The following RORA variants were observed in gnomAD, a reference collection of about 807,000 sequenced individuals.
RORA encodes the protein RAR related orphan receptor A, also known as nuclear receptor ROR-alpha.
Under a neutral mutation model 69.5 loss-of-function variants are expected in RORA, and 7 were observed. The observed-to-expected ratio is 0.10, with a 90% CI of 0.06 to 0.19. RORA has a LOEUF of 0.19. Among genes scored for constraint, RORA ranks in the 10% least tolerant of loss-of-function variants. The probability of loss-of-function intolerance (pLI) is 1.00; values close to 1 mark genes in which losing one functional copy is unlikely to be tolerated. For synonymous variants in RORA, 261 were observed against 240.8 expected, an observed-to-expected ratio of 1.08 and a Z score of -0.78; for missense variants, 457 against 663.0, an observed-to-expected ratio of 0.69 and a Z score of 3.41.
chr15:60,752,965 C>A (rs1267232276), intron 1 of RORA, among the ~76,000 whole-genome samples: 1 of 152,158 alleles, frequency 6.6e-6, no homozygotes, highest in South Asian at 2.1e-4. Flanking sequence ...TGCTTTTTGG[C>A]CCCTTTTCAA....
intron 1 of RORA, among the ~76,000 whole-genome samples, chr15:60,689,696 A>C (rs941864902): frequency 6.6e-6 from 1 of 152,184 alleles, no homozygotes; most frequent in African/African-American, 2.4e-5. Flanking sequence ...AATTACTACT[A>C]TCTGTGTAAG....
Position 60,497,384 on chromosome 15 carries a change from C to T in RORA, c.*71G>A, listed in dbSNP as rs199915843. The T allele has an allele frequency of 1.4e-6, 2 of 1,413,732 alleles. No individual in the cohort carries two copies. The highest frequency in any genetic ancestry group is 2.0e-6 in the Non-Finnish European group (2 of 1,010,486). 87.6% of individuals were successfully genotyped at this position (1,413,732 alleles called of 1,614,324 possible). ...GTCTGTGCAGGGCCATATAAAGTGT[C>T]TCGGTTAATTTTTTTGTTTGTTTTT... On this transcript the variant is annotated 3_prime_UTR_variant, in exon 11 of 11. Coordinates refer to ENST00000335670, the MANE Select transcript of RORA (RefSeq NM_134261.3).
At chr15:60,693,838 GAATC>G (rs1172189352) in intron 1 of RORA, among the ~76,000 whole-genome samples, 1 of 152,058 alleles carries the variant, frequency 6.6e-6, no homozygotes, top group Non-Finnish European at 1.5e-5. Flanking sequence ...TGGATAGGAA[GAATC>G]AATATCATGA....
intron 1 of RORA, among the ~76,000 whole-genome samples, chr15:61,228,205 T>C (rs549666930): frequency 6.6e-6 from 1 of 152,144 alleles, no homozygotes; most frequent in Non-Finnish European, 1.5e-5. Flanking sequence ...GAAATAAGTT[T>C]CGGTGCTTGC....
intron 1 of RORA, among the ~76,000 whole-genome samples, chr15:60,790,868 G>T (rs1049428191): frequency 1.3e-5 from 2 of 152,120 alleles, no homozygotes; most frequent in South Asian, 4.1e-4. Context: ...GGTACCAGAT[G>T]GTTCCAGGGT....
chr15:60,973,875 G>A (rs949190419), intron 1 of RORA, among the ~76,000 whole-genome samples: 2 of 152,198 alleles, frequency 1.3e-5, no homozygotes, highest in African/African-American at 4.8e-5. Flanking sequence ...ATGGGGCTGC[G>A]GAGCCCCACA....
chr15:60,654,114 G>C (rs2140703991), intron 2 of RORA, among the ~76,000 whole-genome samples: 1 of 152,204 alleles, frequency 6.6e-6, no homozygotes, highest in East Asian at 1.9e-4. Context: ...GCTGAATAAA[G>C]ACTTGTTGAC....
chr15:60,559,690 G>C (rs879669595), intron 2 of RORA, among the ~76,000 whole-genome samples: 6 of 152,182 alleles, frequency 3.9e-5, no homozygotes, highest in Non-Finnish European at 5.9e-5. Flanking sequence ...GAAAGATGTC[G>C]TGCAAGGAAT....
At chr15:61,024,911 T>G (rs562669635) in intron 1 of RORA, among the ~76,000 whole-genome samples, 49 of 152,302 alleles carry the variant, frequency 3.2e-4, no homozygotes, top group African/African-American at 1.1e-3. Context: ...TTAGACCCCT[T>G]TCCGCACTTG....
intron 1 of RORA, among the ~76,000 whole-genome samples, chr15:60,767,955 C>A (rs571847681): frequency 6.6e-5 from 10 of 152,320 alleles, no homozygotes; most frequent in Middle Eastern, 3.4e-3. Flanking sequence ...TCACTCTACA[C>A]CACCATGCCC....
At chr15:60,909,518 T>C (rs1389197291) in intron 1 of RORA, among the ~76,000 whole-genome samples, 1 of 152,160 alleles carries the variant, frequency 6.6e-6, no homozygotes, top group Admixed American at 6.5e-5. Context: ...CACACATAAA[T>C]AAATGGAGAA....
chr15:61,198,741 A>C (rs1192306681), intron 1 of RORA, among the ~76,000 whole-genome samples: 1 of 151,820 alleles, frequency 6.6e-6, no homozygotes, highest in Non-Finnish European at 1.5e-5. Flanking sequence ...AGTGTAGTTC[A>C]GCTGATGCCA....
At chr15:60,904,729 A>G (rs1891484400) in intron 1 of RORA, among the ~76,000 whole-genome samples, 2 of 152,230 alleles carry the variant, frequency 1.3e-5, no homozygotes, top group African/African-American at 2.4e-5. Flanking sequence ...GCACAGAGAC[A>G]GAAAACGTTT....
chr15:61,176,311 G>C (rs1429743031), intron 1 of RORA: 2 of 152,198 alleles, frequency 1.3e-5, no homozygotes, highest in African/African-American at 4.8e-5. Flanking sequence ...TGTTGATACA[G>C]GAGTGGCCTC....
chr15:60,829,862 T>A (rs1169373468), intron 1 of RORA, among the ~76,000 whole-genome samples: 1 of 152,244 alleles, frequency 6.6e-6, no homozygotes, highest in African/African-American at 2.4e-5. Context: ...ATTAACATAC[T>A]GTCTTAGCAG....
intron 1 of RORA, among the ~76,000 whole-genome samples, chr15:60,989,204 A>G (rs888571964): frequency 6.6e-6 from 1 of 152,136 alleles, no homozygotes; most frequent in African/African-American, 2.4e-5. Flanking sequence ...ACCCATACTT[A>G]TTAAGTAATT....
At chr15:61,002,692 A>C (rs1047525522) in intron 1 of RORA, among the ~76,000 whole-genome samples, 13 of 152,160 alleles carry the variant, frequency 8.5e-5, no homozygotes, top group African/African-American at 2.7e-4. Flanking sequence ...ATGCCGCTTT[A>C]GGGTTTAAAC....
chr15:60,985,869 C>T (rs868760899), intron 1 of RORA, among the ~76,000 whole-genome samples: 7 of 152,248 alleles, frequency 4.6e-5, no homozygotes, highest in South Asian at 2.1e-4. Context: ...TGTGAGCCAA[C>T]GCGCCCAGCC....
chr15:61,063,878 A>T (rs1417940320), intron 1 of RORA, among the ~76,000 whole-genome samples: 1 of 152,234 alleles, frequency 6.6e-6, no homozygotes, highest in African/African-American at 2.4e-5. Context: ...CGTTTGGCCT[A>T]GCTACTGAAA....
Sources: allele counts gnomAD v4.1 joint callset (sites outside exome capture counted in the v4.1 genomes callset), GRCh38; gene constraint gnomAD v4.1.1; transcripts MANE v1.5; gene names NCBI Gene and HGNC (gene_info 2026-07-23, HGNC 2026-07-21).